UMAD1: variants seen among roughly 807,000 people sequenced by gnomAD.
The protein encoded by UMAD1 is UBAP1-MVB12-associated (UMA) domain containing 1, also known as UBAP1-MVB12-associated (UMA)-domain containing protein 1.
Under a neutral mutation model 6.1 loss-of-function variants are expected in UMAD1, and 8 were observed. That is an observed-to-expected ratio of 1.30 (90% CI 0.76 to 2.35). UMAD1 has a LOEUF of 2.35. Ranked by LOEUF, UMAD1 falls within the 30% of genes most tolerant of loss-of-function variation. The pLI, the probability that UMAD1 is intolerant of heterozygous loss-of-function variation, is 0.00. For missense variants in UMAD1, 130 were observed against 78.4 expected (o/e 1.66, Z -2.49); for synonymous variants, 56 against 31.4 (o/e 1.78, Z -2.61).
chr7:7,680,551 G>T (rs982823879), intron 2 of UMAD1, among the ~76,000 whole-genome samples: 3 of 152,014 alleles, frequency 2.0e-5, no homozygotes, highest in African/African-American at 4.8e-5. Flanking sequence ...TAAATGTTAG[G>T]ATTATTTTTT....
intron 2 of UMAD1, among the ~76,000 whole-genome samples, chr7:7,708,208 T>C (rs1158678217): frequency 6.6e-6 from 1 of 152,204 alleles, no homozygotes; most frequent in African/African-American, 2.4e-5. Flanking sequence ...CTTAACTGTC[T>C]GTAACTTAAC....
At chr7:7,820,541 C>T (rs569482073) in intron 3 of UMAD1, among the ~76,000 whole-genome samples, 1 of 152,252 alleles carries the variant, frequency 6.6e-6, no homozygotes, top group Non-Finnish European at 1.5e-5. Flanking sequence ...TGAATACTGG[C>T]ACCTCTCTGT....
chr7:7,672,638 G>A (rs1003110799), intron 1 of UMAD1, among the ~76,000 whole-genome samples: 2 of 152,164 alleles, frequency 1.3e-5, no homozygotes, highest in African/African-American at 4.8e-5. Context: ...GGTTTTATAA[G>A]GGGCTTGGCA....
chr7:7,802,376 C>CAAA, intron 3 of UMAD1, among the ~76,000 whole-genome samples: 1 of 42,448 alleles, frequency 2.4e-5, no homozygotes, highest in Non-Finnish European at 6.2e-5. Flanking sequence ...GACTCCGTCT[C>CAAA]AAAAAAAAAA....
At chr7:7,802,554 T>A (rs577914942) in intron 3 of UMAD1, among the ~76,000 whole-genome samples, 2 of 152,350 alleles carry the variant, frequency 1.3e-5, no homozygotes, top group Non-Finnish European at 2.9e-5. Context: ...TTGAAAACTA[T>A]ATAGAAATAT....
Position 7,877,678 on chromosome 7 carries a change from A to G in UMAD1, c.*140A>G. On this transcript the variant is annotated 3_prime_UTR_variant, in exon 4 of 4. Coordinates refer to ENST00000682710, the MANE Select transcript of UMAD1 (RefSeq NM_001302348.2). ...CAAAGAAAATAGCATTATGTTCACT[A>G]CTCTATTTTTAAGAAAAAGGTACAT... 1.7e-6 allele frequency: 1 copy of G among 595,250 alleles called. No homozygotes were observed. The allele number at this position is 595,250 out of a possible 1,614,324, so 36.9% of individuals were successfully genotyped here.
intron 1 of UMAD1, among the ~76,000 whole-genome samples, chr7:7,649,175 A>AAGAAAAG (rs1554308883): frequency 2.9e-5 from 3 of 104,604 alleles, no homozygotes; most frequent in Non-Finnish European, 5.5e-5. Flanking sequence ...AAAAAAAAAA[A>AAGAAAAG]AAAAGAAAAG....
At chr7:7,729,002 A>G (rs1011906306) in intron 2 of UMAD1, among the ~76,000 whole-genome samples, 1 of 152,228 alleles carries the variant, frequency 6.6e-6, no homozygotes, top group Admixed American at 6.5e-5. Flanking sequence ...CAATGTTCAT[A>G]AGTGGTATGA....
At chr7:7,765,543 C>T (rs936506188) in intron 2 of UMAD1, among the ~76,000 whole-genome samples, 1 of 152,008 alleles carries the variant, frequency 6.6e-6, no homozygotes, top group Non-Finnish European at 1.5e-5. Context: ...CTGTTTAGGT[C>T]ATTGACTTTG....
intron 1 of UMAD1, among the ~76,000 whole-genome samples, chr7:7,661,218 C>T (rs1785466575): frequency 6.6e-6 from 1 of 152,160 alleles, no homozygotes; most frequent in African/African-American, 2.4e-5. Context: ...ATTCATCTAA[C>T]CTTTTTTTCC....
At chr7:7,717,255 C>T (rs1344697426) in intron 2 of UMAD1, among the ~76,000 whole-genome samples, 1 of 152,030 alleles carries the variant, frequency 6.6e-6, no homozygotes, top group Non-Finnish European at 1.5e-5. Flanking sequence ...CTGGGTTTCA[C>T]CACGTTGGCC....
At chr7:7,849,134 C>A (rs999455450) in intron 3 of UMAD1, among the ~76,000 whole-genome samples, 26 of 152,242 alleles carry the variant, frequency 1.7e-4, no homozygotes, top group African/African-American at 5.5e-4. Context: ...TTACTTACTG[C>A]ATTCTGCATT....
At chr7:7,649,789 AT>A (rs1363187875) in intron 1 of UMAD1, among the ~76,000 whole-genome samples, 1 of 152,118 alleles carries the variant, frequency 6.6e-6, no homozygotes, top group African/African-American at 2.4e-5. Context: ...CCCTAAGGTG[AT>A]GGCATATAGT....
intron 3 of UMAD1, among the ~76,000 whole-genome samples, chr7:7,826,029 T>G (rs1047199647): frequency 1.3e-5 from 2 of 152,204 alleles, no homozygotes; most frequent in Admixed American, 6.6e-5. Context: ...TGTAGTGTTT[T>G]TAAAGTTATA....
intron 2 of UMAD1, among the ~76,000 whole-genome samples, chr7:7,749,364 A>G (rs1013811422): frequency 1.3e-5 from 2 of 152,206 alleles, no homozygotes; most frequent in African/African-American, 4.8e-5. Flanking sequence ...ACACTTTAAT[A>G]GCCCGTATTC....
At chr7:7,875,200 G>A (rs1784395016) in intron 3 of UMAD1, among the ~76,000 whole-genome samples, 1 of 152,120 alleles carries the variant, frequency 6.6e-6, no homozygotes, top group Non-Finnish European at 1.5e-5. Context: ...AGTGTGTAGA[G>A]GGAAATTTAT....
chr7:7,651,388 C>G (rs969759106), intron 1 of UMAD1, among the ~76,000 whole-genome samples: 2 of 152,060 alleles, frequency 1.3e-5, no homozygotes, highest in African/African-American at 4.8e-5. Flanking sequence ...GGCCAAAAGG[C>G]AACATTTGGG....
chr7:7,733,481 G>A (rs963561013), intron 2 of UMAD1, among the ~76,000 whole-genome samples: 1 of 151,072 alleles, frequency 6.6e-6, no homozygotes, highest in Non-Finnish European at 1.5e-5. Flanking sequence ...TTATAATTGT[G>A]GTCCCTTGTT....
intron 3 of UMAD1, among the ~76,000 whole-genome samples, chr7:7,847,556 T>G (rs1583870056): frequency 1.3e-5 from 2 of 152,134 alleles, no homozygotes; most frequent in East Asian, 3.9e-4. Flanking sequence ...TCTTTTTCCC[T>G]CTTCATCCCT....
Sources: allele counts gnomAD v4.1 joint callset (sites outside exome capture counted in the v4.1 genomes callset), GRCh38; gene constraint gnomAD v4.1.1; transcripts MANE v1.5; gene names NCBI Gene and HGNC (gene_info 2026-07-23, HGNC 2026-07-21).